The following PCLO variants were observed in gnomAD, a reference collection of about 807,000 sequenced individuals.
The protein encoded by PCLO is protein piccolo.
In PCLO, 82 loss-of-function variants were observed where a neutral mutation model predicts 427.5. That is an observed-to-expected ratio of 0.19 (90% confidence interval 0.16 to 0.23). The LOEUF (loss-of-function observed/expected upper bound fraction) is 0.23. Ranked by LOEUF, PCLO falls within the 10% of genes least tolerant of loss-of-function variation. The probability of loss-of-function intolerance (pLI) is 1.00; values close to 1 mark genes in which losing one functional copy is unlikely to be tolerated. For synonymous variants in PCLO, 2,357 were observed against 2,155.4 expected (o/e 1.09, Z -2.59); for missense variants, 6,239 against 6,115.9 (o/e 1.02, Z -0.67).
chr7:83,098,457 G>A (rs1790649922), intron 3 of PCLO, among the ~76,000 whole-genome samples: 1 of 152,122 alleles, frequency 6.6e-6, no homozygotes, highest in South Asian at 2.1e-4. Context: ...CCTTGATGGA[G>A]CTTACAGTCT....
In PCLO at chr7:82,994,634, T is replaced by TG. The variant is rs1554370358; in HGVS notation, c.3301-28148dup. On this transcript the variant is annotated intron_variant, in intron 3 of 24. Transcript: ENST00000333891. ...CATAGTAGGTATATATATATATTTA[T>TG]GGGGTATATGAGATGTGTTGATACA... 2.1e-3 allele frequency among the ~76,000 whole-genome samples: 322 copies of TG among 151,906 alleles called. 3 individuals are homozygous for TG. Among genetic ancestry groups the TG allele is most frequent in the African/African-American group, 7.5e-3 (312 of 41,482 alleles).
intron 3 of PCLO, among the ~76,000 whole-genome samples, chr7:83,033,089 G>A (rs1472811382): frequency 1.3e-5 from 2 of 152,070 alleles, no homozygotes; most frequent in South Asian, 2.1e-4. Flanking sequence ...TAAGAAGGTT[G>A]CTGCTTCCCC....
intron 3 of PCLO, among the ~76,000 whole-genome samples, chr7:83,066,524 G>T (rs187724886): frequency 6.6e-6 from 1 of 152,218 alleles, no homozygotes; most frequent in East Asian, 1.9e-4. Context: ...TTGTCCATCT[G>T]TATTTTCACA....
At chr7:83,017,000 T>C in intron 3 of PCLO, among the ~76,000 whole-genome samples, 1 of 152,092 alleles carries the variant, frequency 6.6e-6, no homozygotes, top group East Asian at 1.9e-4. Flanking sequence ...TGGGCTCTTT[T>C]TTCTTTGTGA....
At chr7:82,958,881 T>C (rs1322315631) in intron 4 of PCLO, among the ~76,000 whole-genome samples, 1 of 152,168 alleles carries the variant, frequency 6.6e-6, no homozygotes. Context: ...TTTTTTGGAA[T>C]TCAGTATAAT....
intron 3 of PCLO, among the ~76,000 whole-genome samples, chr7:83,030,319 C>G (rs948170486): frequency 2.6e-5 from 4 of 151,998 alleles, no homozygotes; most frequent in African/African-American, 9.7e-5. Context: ...CAGGGGATAT[C>G]CCTTCGATCT....
intron 9 of PCLO, among the ~76,000 whole-genome samples, chr7:82,896,933 C>A (rs901311114): frequency 3.3e-5 from 5 of 151,596 alleles, no homozygotes; most frequent in Admixed American, 1.3e-4. Flanking sequence ...CTGTACATAG[C>A]AAATGCCTTT....
At chr7:82,848,396 C>T (rs1399975240) in intron 10 of PCLO, among the ~76,000 whole-genome samples, 1 of 148,720 alleles carries the variant, frequency 6.7e-6, no homozygotes, top group Non-Finnish European at 1.5e-5. Flanking sequence ...CTGCAAGCTC[C>T]GCCTTCCAGG....
chr7:82,917,867 C>G (rs938954065), intron 6 of PCLO, among the ~76,000 whole-genome samples: 3 of 151,878 alleles, frequency 2.0e-5, no homozygotes, highest in African/African-American at 7.2e-5. Flanking sequence ...AATATTGTAC[C>G]TGAAAATTGT....
At chr7:82,797,698 A>C (rs1791256019) in intron 22 of PCLO, among the ~76,000 whole-genome samples, 1 of 152,128 alleles carries the variant, frequency 6.6e-6, no homozygotes, top group African/African-American at 2.4e-5. Flanking sequence ...TAAATTGTGG[A>C]AATTCAATGA....
rs5885311 is a variant in PCLO at position 82,802,268 on chromosome 7, A to ATAT, written c.14934-678_14934-677insATA. 5.9e-5 allele frequency among the ~76,000 whole-genome samples: 9 copies of ATAT among 151,362 alleles called. No homozygotes were observed. The East Asian group carries it at 1.8e-3, about 30-fold the overall frequency. On this transcript the variant is annotated intron_variant, in intron 21 of 24. Coordinates refer to ENST00000333891, the MANE Select transcript of PCLO (RefSeq NM_033026.6). ...AGCTACATTTTGATTATGAAAAAAA[A>ATAT]CACATGAAAAATGCGTGAAAAGGGT...
At chr7:83,028,640 G>A (rs1238922177) in intron 3 of PCLO, among the ~76,000 whole-genome samples, 3 of 147,914 alleles carry the variant, frequency 2.0e-5, no homozygotes, top group South Asian at 2.2e-4. Context: ...AAAAGAGCCC[G>A]CATCGCCAAG....
At chr7:83,026,407 A>G (rs1788498562) in intron 3 of PCLO, among the ~76,000 whole-genome samples, 2 of 152,316 alleles carry the variant, frequency 1.3e-5, no homozygotes, top group Middle Eastern at 3.4e-3. Flanking sequence ...AGAGCTAACT[A>G]TCCTAAATAT....
At chr7:83,096,158 T>C (rs1790532016) in intron 3 of PCLO, among the ~76,000 whole-genome samples, 1 of 152,158 alleles carries the variant, frequency 6.6e-6, no homozygotes, top group East Asian at 1.9e-4. Flanking sequence ...TCATAAGTTT[T>C]AGAGTGTTTT....
chr7:83,143,159 T>G (rs1415572390), intron 2 of PCLO, among the ~76,000 whole-genome samples: 1 of 152,120 alleles, frequency 6.6e-6, no homozygotes, highest in Non-Finnish European at 1.5e-5. Flanking sequence ...GTTTTAAAAA[T>G]CAGTATTAGG....
intron 3 of PCLO, among the ~76,000 whole-genome samples, chr7:83,109,700 G>T (rs1790954184): frequency 6.6e-6 from 1 of 151,870 alleles, no homozygotes; most frequent in Non-Finnish European, 1.5e-5. Context: ...AAAGACTAAA[G>T]ACAAAAAGCA....
intron 10 of PCLO, among the ~76,000 whole-genome samples, chr7:82,858,073 A>C (rs1341630820): frequency 6.6e-6 from 1 of 152,176 alleles, no homozygotes; most frequent in Non-Finnish European, 1.5e-5. Context: ...CTTCTCAATA[A>C]AATACTAACA....
chr7:82,911,106 G>A (rs1404050300), intron 7 of PCLO, among the ~76,000 whole-genome samples: 1 of 152,030 alleles, frequency 6.6e-6, no homozygotes, highest in African/African-American at 2.4e-5. Flanking sequence ...TAGAAATAAA[G>A]TAGAAGTTCA....
intron 22 of PCLO, among the ~76,000 whole-genome samples, chr7:82,784,996 C>T (rs997983489): frequency 1.3e-5 from 2 of 152,130 alleles, no homozygotes; most frequent in Admixed American, 1.3e-4. Context: ...GAAAACATTT[C>T]TTTACTAATG....
Sources: allele counts gnomAD v4.1 joint callset (sites outside exome capture counted in the v4.1 genomes callset), GRCh38; gene constraint gnomAD v4.1.1; transcripts MANE v1.5; gene names NCBI Gene and HGNC (gene_info 2026-07-23, HGNC 2026-07-21).